Variants in BICC1 observed in about 807,000 individuals in gnomAD.
The protein encoded by BICC1 is protein bicaudal C homolog 1.
In BICC1, 43 loss-of-function variants were observed where a neutral mutation model predicts 111.0. That is an observed-to-expected ratio of 0.39 (90% CI 0.30 to 0.50). BICC1 has a LOEUF of 0.50. BICC1 is among the 20% of genes least tolerant of loss of function. The pLI is 0.88. For missense variants in BICC1, 1,091 were observed against 1,203.2 expected, an observed-to-expected ratio of 0.91 and a Z score of 1.38; for synonymous variants, 467 against 434.4, an observed-to-expected ratio of 1.07 and a Z score of -0.93.
intron 3 of BICC1, among the ~76,000 whole-genome samples, chr10:58,764,833 A>G (rs1031790672): frequency 2.6e-5 from 4 of 152,190 alleles, no homozygotes; most frequent in Non-Finnish European, 5.9e-5. Context: ...TAAGTTCATC[A>G]GCATGTCTGG....
chr10:58,682,716 T>G (rs903767469), intron 2 of BICC1, among the ~76,000 whole-genome samples: 1 of 152,244 alleles, frequency 6.6e-6, no homozygotes, highest in African/African-American at 2.4e-5. Context: ...TCGCCCACTT[T>G]TTGATGGGGT....
At chr10:58,676,929 C>G (rs1318833244) in intron 2 of BICC1, among the ~76,000 whole-genome samples, 2 of 152,178 alleles carry the variant, frequency 1.3e-5, no homozygotes, top group Admixed American at 1.3e-4. Context: ...GGACCTCCAG[C>G]AAACACCAGC....
chr10:58,563,510 T>C (rs942562647), intron 1 of BICC1, among the ~76,000 whole-genome samples: 2 of 152,188 alleles, frequency 1.3e-5, no homozygotes, highest in African/African-American at 2.4e-5. Flanking sequence ...TCCTTCTCTG[T>C]GATACTATCC....
chr10:58,785,448 T>A (rs2132788945), intron 4 of BICC1, among the ~76,000 whole-genome samples: 1 of 152,264 alleles, frequency 6.6e-6, no homozygotes, highest in East Asian at 1.9e-4. Flanking sequence ...AATTAGATTA[T>A]TTGCTTTTAT....
intron 2 of BICC1, among the ~76,000 whole-genome samples, chr10:58,634,149 G>A (rs113614304): frequency 1.3e-5 from 2 of 151,888 alleles, no homozygotes; most frequent in South Asian, 2.1e-4. Context: ...ACGCCACCAC[G>A]ACTGGCTAAT....
chr10:58,646,084 A>G (rs1194023600), intron 2 of BICC1, among the ~76,000 whole-genome samples: 2 of 151,588 alleles, frequency 1.3e-5, no homozygotes, highest in Non-Finnish European at 2.9e-5. Flanking sequence ...TTTTTCCTGA[A>G]GAACTGTTTA....
chr10:58,547,184 T>G (rs796195202), intron 1 of BICC1, among the ~76,000 whole-genome samples: 52 of 152,290 alleles, frequency 3.4e-4, no homozygotes, highest in African/African-American at 1.2e-3. Flanking sequence ...ATTTCCTTAG[T>G]GTTTACCTGC....
At chr10:58,587,742 G>A (rs752595954) in intron 1 of BICC1, among the ~76,000 whole-genome samples, 4 of 152,126 alleles carry the variant, frequency 2.6e-5, no homozygotes, top group Non-Finnish European at 2.9e-5. Context: ...ATAAAGTGGC[G>A]GAGTAGTATA....
At chr10:58,775,714 T>C (rs2132741745) in intron 3 of BICC1, among the ~76,000 whole-genome samples, 1 of 152,290 alleles carries the variant, frequency 6.6e-6, no homozygotes, top group South Asian at 2.1e-4. Flanking sequence ...CCAGTATATG[T>C]GGCTTCATGA....
intron 2 of BICC1, among the ~76,000 whole-genome samples, chr10:58,636,753 A>C (rs890990010): frequency 2.6e-5 from 4 of 152,202 alleles, no homozygotes; most frequent in African/African-American, 9.6e-5. Flanking sequence ...CAGCTGTGAA[A>C]TCTTGGGCAA....
At chr10:58,817,429 C>A in intron 18 of BICC1, 133 bp from the exon 19 acceptor site, 1 of 928,720 alleles carries the variant, frequency 1.1e-6, no homozygotes, top group Non-Finnish European at 1.7e-6. Context: ...TAAAGGATTG[C>A]TGTATTTCTA....
chr10:58,789,748 CA>C lies in BICC1; in HGVS notation c.864del (p.Gln288HisfsTer2). 1 of 1,614,090 alleles carries C rather than the reference CA, an allele frequency of 6.2e-7. No homozygotes were observed. Among genetic ancestry groups the C allele is most frequent in the South Asian group, 1.1e-5 (1 of 91,086 alleles). ...SLASAIPVST[Q>X]LDIAAQHHLF... is the part of the protein sequence containing the mutation. ...AGCATCAGCTATTCCTGTGAGCACA[CA>C]ACTAGATATTGCAGCTCAACATCAT... On this transcript the variant is annotated frameshift_variant, in exon 8 of 21. Coordinates refer to ENST00000373886, the MANE Select transcript of BICC1 (RefSeq NM_001080512.3). LOFTEE classifies it high-confidence loss of function.
chr10:58,549,998 G>T (rs1843252959), intron 1 of BICC1, among the ~76,000 whole-genome samples: 1 of 151,754 alleles, frequency 6.6e-6, no homozygotes, highest in Non-Finnish European at 1.5e-5. Context: ...TTAGTTTCAA[G>T]AATTCTTTGT....
chr10:58,723,072 A>G (rs1220325746), intron 3 of BICC1, among the ~76,000 whole-genome samples: 2 of 152,210 alleles, frequency 1.3e-5, no homozygotes, highest in African/African-American at 4.8e-5. Flanking sequence ...TCTGCTAGGT[A>G]TGGTCTCAGA....
At chr10:58,766,421 G>C (rs1213714474) in intron 3 of BICC1, among the ~76,000 whole-genome samples, 3 of 152,090 alleles carry the variant, frequency 2.0e-5, no homozygotes, top group Non-Finnish European at 4.4e-5. Context: ...GTAATTAGGG[G>C]GCGGGCACGA....
intron 8 of BICC1, among the ~76,000 whole-genome samples, chr10:58,792,260 A>G (rs1843205348): frequency 6.6e-6 from 1 of 152,148 alleles, no homozygotes; most frequent in South Asian, 2.1e-4. Flanking sequence ...CATTAGAGAA[A>G]AAAAAAAAAT....
Position 58,799,181 on chromosome 10 carries a change from G to A in BICC1, c.1654G>A (p.Val552Ile). 1.9e-6 allele frequency: 3 copies of A among 1,613,724 alleles called. No homozygotes were observed. The African/African-American group carries it at 4.0e-5, about 22-fold the overall frequency. The change falls in exon 12 of 21, where the codon GTT becomes ATT. Residue 552 changes from valine to isoleucine, a missense_variant. Physicochemically the swap from Val to Ile is conservative, Grantham distance 29. This residue lies in a region of BICC1 where 843 missense variants were observed against 900.8 expected (regional missense o/e 0.94). Transcript: ENST00000373886. ...ATCTCCCCCTCCTGGCTTGACTCCTGTTGATGTCCATATCAACAGTATGCA... is the reference window on the plus strand; with the variant it reads ...ATCTCCCCCTCCTGGCTTGACTCCTATTGATGTCCATATCAACAGTATGCA... ...APSPPPGLTPVDVHINSMQTE... is the reference protein window; with the variant it reads ...APSPPPGLTPIDVHINSMQTE...
In BICC1 at chr10:58,793,577, T is replaced by C. The variant is rs753287083; in HGVS notation, c.1141T>C (p.Phe381Leu). Residue 381 changes from phenylalanine (F) to leucine (L), a missense_variant, in exon 9 of 21, where the codon TTC (phenylalanine) becomes CTC (leucine). Phe to Leu is a conservative substitution (Grantham distance 22). Coordinates refer to ENST00000373886, the MANE Select transcript of BICC1 (RefSeq NM_001080512.3). Reference sequence around the variant, plus strand: ...GCAGTTGATGGAACAGCTTGATGTCTTCATCAGTATTAAACCAAAGCCCAA... The same window carrying C: ...GCAGTTGATGGAACAGCTTGATGTCCTCATCAGTATTAAACCAAAGCCCAA... ...IAQLMEQLDV[F>L]ISIKPKPKQP... is the part of the protein sequence containing the mutation. 1 of 1,613,942 alleles carries C rather than the reference T, an allele frequency of 6.2e-7. No homozygotes were observed. Among genetic ancestry groups the C allele is most frequent in the African/African-American group, 1.3e-5 (1 of 75,058 alleles).
chr10:58,828,702 C>G lies in BICC1; in HGVS notation c.2795-59C>G, dbSNP rs555243788. 1.9e-4 allele frequency: 298 copies of G among 1,564,602 alleles called. No individual in the cohort carries two copies. The African/African-American group carries it at 3.6e-3, about 19-fold the overall frequency. On this transcript the variant is annotated intron_variant, in intron 20 of 20. Coordinates refer to ENST00000373886, the MANE Select transcript of BICC1 (RefSeq NM_001080512.3). ...CATTTTCTGAGCTCTAGTGCCATGT[C>G]CTGTAGTATACATAGAACTTCTCTT... is the stretch of plus-strand genomic sequence containing the variant.
Sources: gnomAD v4.1 joint callset for allele counts (sites outside exome capture counted in the v4.1 genomes callset) on GRCh38, gnomAD v4.1.1 for gene constraint, gnomAD v4.1.1 regional missense constraint, MANE v1.5 for transcripts, NCBI Gene and HGNC (gene_info 2026-07-23, HGNC 2026-07-21) for gene names.